TWNK: variants seen among roughly 807,000 people sequenced by gnomAD.
TWNK encodes the protein T7 gp4-like protein with intramitochondrial nucleoid localization.
TWNK carries 36 observed loss-of-function variants against 58.2 expected under a neutral mutation model. The ratio of observed to expected loss-of-function variants is 0.62; its 90% confidence interval spans 0.47 to 0.82. TWNK has a LOEUF of 0.82. Ranked by LOEUF, TWNK falls within the 40% of genes least tolerant of loss-of-function variation. The pLI, the probability that TWNK is intolerant of heterozygous loss-of-function variation, is 0.00. For synonymous variants in TWNK, 349 were observed against 348.5 expected (o/e 1.00, Z -0.02); for missense variants, 714 against 881.0 (o/e 0.81, Z 2.40).
Position 100,989,867 on chromosome 10 carries a change from T to G in TWNK, c.1467T>G (p.His489Gln). ...EDLPLYFMTF[H>Q]GQQSIRTVID... is the part of the protein sequence containing the mutation. ...TGCCCCTCTATTTCATGACTTTCCATGGACAGCAAAGCATCAGGTGAGACT... is the reference window on the plus strand; with the variant it reads ...TGCCCCTCTATTTCATGACTTTCCAGGGACAGCAAAGCATCAGGTGAGACT... Residue 489 changes from histidine (H) to glutamine (Q), a missense_variant, in exon 2 of 5, where the codon CAT (histidine) becomes CAG (glutamine). Around this residue, in one of 3 missense-constraint regions of TWNK, gnomAD observed 302 missense variants for 438.6 expected, o/e 0.69. Coordinates refer to ENST00000311916, the MANE Select transcript of TWNK (RefSeq NM_021830.5). The surrounding 1 kb of genome is among the most constrained non-coding windows in gnomAD (Gnocchi z 7.6). 6.2e-7 allele frequency: 1 copy of G among 1,614,220 alleles called. No homozygotes were observed. Among genetic ancestry groups the G allele is most frequent in the South Asian group, 1.1e-5 (1 of 91,088 alleles).
In TWNK at chr10:100,993,636, A is replaced by G. The variant is rs1851847887; in HGVS notation, c.*126A>G. 3.1e-5 allele frequency: 33 copies of G among 1,059,928 alleles called. No homozygotes were observed. In the South Asian group the frequency reaches 4.6e-4, roughly 15 times the overall value. The allele number at this position is 1,059,928 out of a possible 1,614,324, so 65.7% of individuals were successfully genotyped here. On this transcript the variant is annotated 3_prime_UTR_variant, in exon 5 of 5. Transcript: ENST00000311916. ...CTTCTCAGTCTGAGGGGCCTAACCT[A>G]GAGCAGGTTTCCATAGTGAGAAAAT...
chr10:100,993,873 G>A lies in TWNK; in HGVS notation c.*363G>A, dbSNP rs1272323424. 7.0e-6 allele frequency: 2 copies of A among 286,850 alleles called. No individual in the cohort carries two copies. The highest frequency in any genetic ancestry group is 1.3e-5 in the Non-Finnish European group (2 of 148,544). 17.8% of individuals were successfully genotyped at this position (286,850 alleles called of 1,614,324 possible). On this transcript the variant is annotated 3_prime_UTR_variant, in exon 5 of 5. Coordinates refer to ENST00000311916, the MANE Select transcript of TWNK (RefSeq NM_021830.5). ...TGCGATAGAGTGCTGGCAGGCTAGT[G>A]TAGATAAGTGGTCTGAAAAGGTGTC...
At position 100,988,575 on chromosome 10, in the gene TWNK, G is replaced by T; in HGVS notation, c.365G>T (p.Trp122Leu). 6.2e-7 allele frequency: 1 copy of T among 1,614,038 alleles called. No homozygotes were observed. The highest frequency in any genetic ancestry group is 1.1e-5 in the South Asian group (1 of 91,088). The change falls in exon 1 of 5, where the codon TGG (tryptophan) becomes TTG (leucine). Residue 122 changes from tryptophan to leucine, a missense_variant. This residue lies in a region of TWNK where 348 missense variants were observed against 388.4 expected (regional missense o/e 0.90). Coordinates refer to ENST00000311916, the MANE Select transcript of TWNK (RefSeq NM_021830.5). This position sits in a 1 kb window ranked among gnomAD's most constrained non-coding sequence, Gnocchi z 5.2. ...ATGACCAGCCTAGCAGAAGGGAGCT[G>T]GGAAGACTTCCAGGCCAGCGTGGAG... Reference protein sequence around the residue: ...LCMTSLAEGSWEDFQASVEGR... With the variant: ...LCMTSLAEGSLEDFQASVEGR...
rs1042522940 is a variant in TWNK at position 100,987,988 on chromosome 10, C to T, written c.-223C>T. The T allele has an allele frequency of 7.8e-6, 5 of 644,752 alleles. No individual in the cohort carries two copies. The African/African-American group carries it at 9.0e-5, about 12-fold the overall frequency. The allele number at this position is 644,752 out of a possible 1,614,324, so 39.9% of individuals were successfully genotyped here. A position where few individuals can be genotyped will look rare whatever the true frequency, so the allele number is the denominator to read the frequency against. On this transcript the variant is annotated 5_prime_UTR_variant, in exon 1 of 5. Coordinates refer to ENST00000311916, the MANE Select transcript of TWNK (RefSeq NM_021830.5). Reference sequence around the variant, plus strand: ...TAACGGACCATAGAGGTGGGGGAGCCATTGTAGAAGGACGTGGACGCGAAA... The same window carrying T: ...TAACGGACCATAGAGGTGGGGGAGCTATTGTAGAAGGACGTGGACGCGAAA...
chr10:100,993,512 G>A lies in TWNK; in HGVS notation c.*2G>A, dbSNP rs143659587. 1.2e-6 allele frequency: 2 copies of A among 1,614,078 alleles called. No individual in the cohort carries two copies. Among genetic ancestry groups the A allele is most frequent in the Non-Finnish European group, 1.7e-6 (2 of 1,180,016 alleles). On this transcript the variant is annotated 3_prime_UTR_variant, in exon 5 of 5. Transcript: ENST00000311916. ...GACACCTCCAAGCGTTCAAAGTGAA[G>A]GCCGTGCAGAGCTGGTCACTGAAAT...
rs1851832319 is a variant in TWNK, at chr10:100,993,214, C to A, written c.1759C>A (p.Leu587Met). 6.2e-7 allele frequency: 1 copy of A among 1,614,090 alleles called. No individual in the cohort carries two copies. The highest frequency in any genetic ancestry group is 8.5e-7 in the Non-Finnish European group (1 of 1,180,054). The change falls in exon 5 of 5, where the codon CTG becomes ATG. Residue 587 changes from leucine (L) to methionine (M), a missense_variant. Around this residue, in one of 3 missense-constraint regions of TWNK, gnomAD observed 302 missense variants for 438.6 expected, o/e 0.69. Coordinates refer to ENST00000311916, the MANE Select transcript of TWNK (RefSeq NM_021830.5). ...AKASQEADNV[L>M]ILQDRKLVTG... ...GGCAAGCCAGGAAGCAGACAATGTT[C>A]TGATCCTGCAGGACAGGAAGCTGGT...
rs1851852649 is a variant in TWNK, at chr10:100,993,853, T to C, written c.*343T>C. On this transcript the variant is annotated 3_prime_UTR_variant, in exon 5 of 5. Coordinates refer to ENST00000311916, the MANE Select transcript of TWNK (RefSeq NM_021830.5). Reference sequence around the variant, plus strand: ...TGCTGTAAAGAAAATAGAAATGCGATAGAGTGCTGGCAGGCTAGTGTAGAT... The same window carrying C: ...TGCTGTAAAGAAAATAGAAATGCGACAGAGTGCTGGCAGGCTAGTGTAGAT... 17 of 347,752 alleles carry C rather than the reference T, an allele frequency of 4.9e-5. No individual in the cohort carries two copies. The highest frequency in any genetic ancestry group is 4.7e-4 in the South Asian group (17 of 36,078). 21.5% of individuals were successfully genotyped at this position (347,752 alleles called of 1,614,324 possible).
In TWNK at chr10:100,988,500, C is replaced by T. The variant is rs772751928; in HGVS notation, c.290C>T (p.Thr97Ile). 4 of 1,614,248 alleles carry T rather than the reference C, an allele frequency of 2.5e-6. No individual in the cohort carries two copies. Among genetic ancestry groups the T allele is most frequent in the Non-Finnish European group, 2.5e-6 (3 of 1,180,054 alleles). ...SSQLKGQTGV[T>I]TSFSLFIDKT... The stretch of plus-strand genomic sequence containing the variant: ...CAGCTCAAAGGCCAGACTGGTGTTA[C>T]CACTTCCTTCAGCCTCTTCATTGAC... Residue 97 changes from threonine to isoleucine, a missense_variant, in exon 1 of 5, where the codon ACC becomes ATC. Thr to Ile is a moderately conservative substitution (Grantham distance 89). Around this residue, in one of 3 missense-constraint regions of TWNK, gnomAD observed 348 missense variants for 388.4 expected, o/e 0.90. Transcript: ENST00000311916. The surrounding 1 kb of genome is among the most constrained non-coding windows in gnomAD (Gnocchi z 5.2).
Position 100,989,321 on chromosome 10 carries a change from C to G in TWNK, c.1111C>G (p.Arg371Gly). The change falls in exon 1 of 5, where the codon CGG (arginine) becomes GGG (glycine). Residue 371 changes from arginine (R) to glycine (G), a missense_variant. By Grantham distance (125) the Arg-to-Gly change is moderately radical. This residue lies in a region of TWNK where 302 missense variants were observed against 438.6 expected (regional missense o/e 0.69). Coordinates refer to ENST00000311916, the MANE Select transcript of TWNK (RefSeq NM_021830.5). The surrounding 1 kb of genome is among the most constrained non-coding windows in gnomAD (Gnocchi z 7.6). ...PAWHKSIVSF[R>G]QLREEVLGEL... is the part of the protein sequence containing the mutation. The stretch of plus-strand genomic sequence containing the variant: ...CTGGCACAAGTCCATCGTATCTTTC[C>G]GGCAGCTTCGGGAGGAGGTGCTAGG... 1 of 1,614,174 alleles carries G rather than the reference C, an allele frequency of 6.2e-7. No homozygotes were observed. Among genetic ancestry groups the G allele is most frequent in the Non-Finnish European group, 8.5e-7 (1 of 1,180,048 alleles).
At position 100,989,471 on chromosome 10, in the gene TWNK, C is replaced by T. The variant is rs772398099; in HGVS notation, c.1243+18C>T. The T allele has an allele frequency of 6.2e-7, 1 of 1,613,002 alleles. No individual in the cohort carries two copies. Among genetic ancestry groups the T allele is most frequent in the East Asian group, 2.2e-5 (1 of 44,880 alleles). ...CTTCACAGGTAACCCTTTGAGAAAT[C>T]ACTACTTAGAGTAAAGGGGCAGAAG... On this transcript the variant is annotated intron_variant, in intron 1 of 4. Transcript: ENST00000311916. The surrounding 1 kb of genome is among the most constrained non-coding windows in gnomAD (Gnocchi z 7.6).
Position 100,987,612 on chromosome 10 carries a change from T to A in TWNK, c.-599T>A. The A allele has an allele frequency of 1.0e-6, 1 of 1,003,692 alleles. No homozygotes were observed. Among genetic ancestry groups the A allele is most frequent in the Non-Finnish European group, 1.4e-6 (1 of 705,838 alleles). 62.2% of individuals were successfully genotyped at this position (1,003,692 alleles called of 1,614,324 possible). On this transcript the variant is annotated 5_prime_UTR_variant, in exon 1 of 5. Coordinates refer to ENST00000311916, the MANE Select transcript of TWNK (RefSeq NM_021830.5). ...GCCGGCGAAGTGGGAGAGAGAAAAG[T>A]GGTAACCTGGGGCTGGGGGCCGGCG...
chr10:100,990,849 GTGT>G lies in TWNK; in HGVS notation c.1593-14_1593-12del, dbSNP rs745802566. 1 of 1,614,054 alleles carries G rather than the reference GTGT, an allele frequency of 6.2e-7. No homozygotes were observed. The highest frequency in any genetic ancestry group is 8.5e-7 in the Non-Finnish European group (1 of 1,179,902). ...TCCTTCTGTGTCTGATAAGCTCTTT[GTGT>G]TGTTGGGATGGCGTAGGATCGCAGC... On this transcript the variant is annotated splice_polypyrimidine_tract_variant and intron_variant, in intron 3 of 4. Transcript: ENST00000311916.
chr10:100,993,472 A>G lies in TWNK; in HGVS notation c.2017A>G (p.Thr673Ala). Residue 673 changes from threonine to alanine, a missense_variant, in exon 5 of 5, where the codon ACT (threonine) becomes GCT (alanine). Thr to Ala is a moderately conservative substitution (Grantham distance 58, BLOSUM62 0). Coordinates refer to ENST00000311916, the MANE Select transcript of TWNK (RefSeq NM_021830.5). ...TGAGATTTGCTCAGGCCAGGCCCCC[A>G]CTCCCGACCAGCCAGACACCTCCAA... ...NSEICSGQAP[T>A]PDQPDTSKRS... is the part of the protein sequence containing the mutation. 1 of 1,614,028 alleles carries G rather than the reference A, an allele frequency of 6.2e-7. No individual in the cohort carries two copies. The highest frequency in any genetic ancestry group is 1.7e-5 in the Admixed American group (1 of 60,008).
At position 100,993,209 on chromosome 10, in the gene TWNK, A is replaced by G. The variant is rs672601360; in HGVS notation, c.1754A>G (p.Asn585Ser). ...CCCCAGGCAAGCCAGGAAGCAGACA[A>G]TGTTCTGATCCTGCAGGACAGGAAG... The part of the protein sequence containing the change: ...GSAKASQEAD[N>S]VLILQDRKLV... The change falls in exon 5 of 5, where the codon AAT becomes AGT. Residue 585 changes from asparagine (N) to serine (S), a missense_variant. Asn to Ser is a conservative substitution (Grantham distance 46, BLOSUM62 1). Coordinates refer to ENST00000311916, the MANE Select transcript of TWNK (RefSeq NM_021830.5). 8.7e-6 allele frequency: 14 copies of G among 1,613,988 alleles called. No homozygotes were observed. The highest frequency in any genetic ancestry group is 2.2e-5 in the East Asian group (1 of 44,888).
At position 100,989,204 on chromosome 10, in the gene TWNK, T is replaced by C. The variant is rs1851690599; in HGVS notation, c.994T>C (p.Leu332=). 3 of 1,614,026 alleles carry C rather than the reference T, an allele frequency of 1.9e-6. No individual in the cohort carries two copies. The highest frequency in any genetic ancestry group is 1.7e-5 in the Admixed American group (1 of 59,996). ...ARKLNPKRCF[L]VRPGDQQPRP... is the part of the protein sequence containing the mutation. ...AAAACTGAACCCCAAACGATGCTTCTTGGTGCGACCAGGAGACCAGCAACC... is the reference window on the plus strand; with the variant it reads ...AAAACTGAACCCCAAACGATGCTTCCTGGTGCGACCAGGAGACCAGCAACC... Residue 332 remains leucine (L), a synonymous_variant, in exon 1 of 5, where the codon TTG becomes CTG. Transcript: ENST00000311916. This position sits in a 1 kb window ranked among gnomAD's most constrained non-coding sequence, Gnocchi z 7.6.
rs374138176 is a variant in TWNK, at chr10:100,988,875, T to C, written c.665T>C (p.Leu222Pro). ...GGSGLRGLKL[L>P]EAKCQGDGVS... ...TCAGGATTACGAGGCCTGAAGCTCC[T>C]AGAGGCTAAATGCCAGGGGGATGGA... Residue 222 changes from leucine to proline, a missense_variant, in exon 1 of 5, where the codon CTA (leucine) becomes CCA (proline). Leu to Pro is a moderately conservative substitution (Grantham distance 98, BLOSUM62 -3). Transcript: ENST00000311916. The surrounding 1 kb of genome is among the most constrained non-coding windows in gnomAD (Gnocchi z 5.2). 2 of 1,614,050 alleles carry C rather than the reference T, an allele frequency of 1.2e-6. No individual in the cohort carries two copies. The highest frequency in any genetic ancestry group is 1.7e-6 in the Non-Finnish European group (2 of 1,180,036).
In TWNK at chr10:100,989,953, C is replaced by G. The variant is rs558562578; in HGVS notation, c.1484+69C>G. On this transcript the variant is annotated intron_variant, in intron 2 of 4. Coordinates refer to ENST00000311916, the MANE Select transcript of TWNK (RefSeq NM_021830.5). This position sits in a 1 kb window ranked among gnomAD's most constrained non-coding sequence, Gnocchi z 7.6. ...CCCAGCACTCAGGAACCTTTGGTTC[C>G]TTTTCCAGCTCCAGTAGGAACTCCC... The G allele has an allele frequency of 1.6e-5, 26 of 1,596,858 alleles. No homozygotes were observed. The African/African-American group carries it at 3.2e-4, about 20-fold the overall frequency.
At position 100,989,724 on chromosome 10, in the gene TWNK, G is replaced by A. The variant is rs955238004; in HGVS notation, c.1324G>A (p.Gly442Ser). The A allele has an allele frequency of 3.1e-6, 5 of 1,614,198 alleles. No homozygotes were observed. The highest frequency in any genetic ancestry group is 4.2e-6 in the Non-Finnish European group (5 of 1,180,040). ...TTCCCAGGGGGTGAACACACTGTGGGGTAGCTTCGAGATCAGCAATGTGAG... is the reference window on the plus strand; with the variant it reads ...TTCCCAGGGGGTGAACACACTGTGGAGTAGCTTCGAGATCAGCAATGTGAG... ...LCSQGVNTLWGSFEISNVRLA... is the reference protein window; with the variant it reads ...LCSQGVNTLWSSFEISNVRLA... Residue 442 changes from glycine to serine, a missense_variant, in exon 2 of 5, where the codon GGT becomes AGT. By Grantham distance (56) the Gly-to-Ser change is moderately conservative. Coordinates refer to ENST00000311916, the MANE Select transcript of TWNK (RefSeq NM_021830.5). This position sits in a 1 kb window ranked among gnomAD's most constrained non-coding sequence, Gnocchi z 7.6.
rs202205922 is a variant in TWNK at position 100,988,417 on chromosome 10, C to T, written c.207C>T (p.Ile69=). The change falls in exon 1 of 5, where the codon ATC becomes ATT. Residue 69 remains isoleucine, a synonymous_variant. Coordinates refer to ENST00000311916, the MANE Select transcript of TWNK (RefSeq NM_021830.5). The surrounding 1 kb of genome is among the most constrained non-coding windows in gnomAD (Gnocchi z 5.2). ...GCCAGTATTTGCGGGGGCATGGGATCCCCTTCCAGGATGGTCACAGTTGCC... is the reference window on the plus strand; with the variant it reads ...GCCAGTATTTGCGGGGGCATGGGATTCCCTTCCAGGATGGTCACAGTTGCC... The part of the protein sequence containing the change: ...EIRQYLRGHG[I]PFQDGHSCLR... The T allele has an allele frequency of 5.0e-6, 8 of 1,614,272 alleles. No homozygotes were observed. In the East Asian group the frequency reaches 1.6e-4, roughly 31 times the overall value.
Sources: gnomAD v4.1 joint callset for allele counts on GRCh38, gnomAD v4.1.1 for gene constraint, gnomAD v4.1.1 regional missense constraint, Gnocchi (gnomAD v3.1) non-coding constraint, MANE v1.5 for transcripts, NCBI Gene and HGNC (gene_info 2026-07-23, HGNC 2026-07-21) for gene names.